The following PALLD variants were observed in gnomAD, a reference collection of about 807,000 sequenced individuals.
PALLD encodes the protein palladin.
PALLD carries 61 observed loss-of-function variants against 123.5 expected under a neutral mutation model. The ratio of observed to expected loss-of-function variants is 0.49; its 90% CI spans 0.40 to 0.61. PALLD has a LOEUF of 0.61. Ranked by LOEUF, PALLD falls within the 20% of genes least tolerant of loss-of-function variation. The pLI, the probability that PALLD is intolerant of heterozygous loss-of-function variation, is 0.00. For missense variants in PALLD, 1,273 were observed against 1,377.0 expected (o/e 0.92, Z 1.20); for synonymous variants, 465 against 496.4 (o/e 0.94, Z 0.84).
rs202207723 is a variant in PALLD, at chr4:168,765,420, GA to G, written c.1964+53500del. 6.2e-3 allele frequency among the ~76,000 whole-genome samples: 940 copies of G among 152,262 alleles called. 17 individuals carry two copies. The highest frequency in any genetic ancestry group is 0.04 in the East Asian group (207 of 5,176). The stretch of plus-strand genomic sequence containing the variant: ...GGAACACAAGGGTAGGAATGTACTG[GA>G]AATTCCATCCAAAGAGGACTCAAGG... On this transcript the variant is annotated intron_variant, in intron 10 of 21. Transcript: ENST00000505667.
chr4:168,894,174 A>C (rs1021182130), intron 11 of PALLD: 1 of 205,036 alleles, frequency 4.9e-6, no homozygotes, highest in African/African-American at 2.4e-5. Flanking sequence ...TTTTTCTTTC[A>C]GTCAGTATTA....
At chr4:168,750,633 C>G (rs1379679119) in intron 10 of PALLD, among the ~76,000 whole-genome samples, 1 of 151,892 alleles carries the variant, frequency 6.6e-6, no homozygotes, top group Non-Finnish European at 1.5e-5. Flanking sequence ...TCTTAGTTAC[C>G]AAGTTGAAAT....
chr4:168,518,377 C>G (rs986549717), intron 2 of PALLD, among the ~76,000 whole-genome samples: 3 of 152,202 alleles, frequency 2.0e-5, no homozygotes, highest in Non-Finnish European at 4.4e-5. Context: ...ATCACTATCA[C>G]AGCACTGCCC....
At chr4:168,627,812 T>C (rs1775444521) in intron 2 of PALLD, among the ~76,000 whole-genome samples, 1 of 152,164 alleles carries the variant, frequency 6.6e-6, no homozygotes, top group African/African-American at 2.4e-5. Context: ...GGGAACACTA[T>C]ATAAACAATA....
intron 2 of PALLD, among the ~76,000 whole-genome samples, chr4:168,608,175 A>G (rs1476639026): frequency 1.3e-5 from 2 of 152,204 alleles, no homozygotes; most frequent in African/African-American, 4.8e-5. Context: ...ACCTATAAAT[A>G]TGTGGTGCAG....
chr4:168,712,608 A>AT (rs1561434962), intron 10 of PALLD, among the ~76,000 whole-genome samples: 1 of 152,210 alleles, frequency 6.6e-6, no homozygotes, highest in Non-Finnish European at 1.5e-5. Flanking sequence ...AGCCATTACA[A>AT]TGTCAGAGAG....
intron 11 of PALLD, among the ~76,000 whole-genome samples, chr4:168,893,114 G>A (rs936573885): frequency 6.6e-6 from 1 of 152,168 alleles, no homozygotes; most frequent in Non-Finnish European, 1.5e-5. Context: ...TGAAGGAATA[G>A]ATATGAAATT....
At chr4:168,616,107 A>G (rs111472134) in intron 2 of PALLD, among the ~76,000 whole-genome samples, 9 of 152,180 alleles carry the variant, frequency 5.9e-5, no homozygotes, top group African/African-American at 1.4e-4. Flanking sequence ...CAAGGAGTCA[A>G]CTTTAATTTT....
intron 10 of PALLD, among the ~76,000 whole-genome samples, chr4:168,770,378 C>T (rs1005111184): frequency 6.6e-6 from 1 of 152,214 alleles, no homozygotes; most frequent in Non-Finnish European, 1.5e-5. Flanking sequence ...TGGAGGTTCA[C>T]ACAGTCAATA....
At chr4:168,777,794 A>G (rs1320639113) in intron 10 of PALLD, among the ~76,000 whole-genome samples, 6 of 152,314 alleles carry the variant, frequency 3.9e-5, no homozygotes, top group Middle Eastern at 6.8e-3. Flanking sequence ...GGTACAGACA[A>G]TGGCACTTTA....
At chr4:168,694,336 T>G (rs1782934361) in intron 8 of PALLD, among the ~76,000 whole-genome samples, 1 of 152,232 alleles carries the variant, frequency 6.6e-6, no homozygotes, top group South Asian at 2.1e-4. Context: ...AAATAGCCTT[T>G]GAAATTCAGG....
At chr4:168,556,832 G>T (rs1200553302) in intron 2 of PALLD, among the ~76,000 whole-genome samples, 2 of 152,122 alleles carry the variant, frequency 1.3e-5, no homozygotes, top group Non-Finnish European at 2.9e-5. Flanking sequence ...CCTCTTAGGT[G>T]CAGGGTACTC....
At chr4:168,852,821 C>T (rs1748000983) in intron 10 of PALLD, among the ~76,000 whole-genome samples, 1 of 152,184 alleles carries the variant, frequency 6.6e-6, no homozygotes, top group Admixed American at 6.5e-5. Context: ...TTAATTCCCT[C>T]TAATGCTTTC....
chr4:168,657,458 GAC>G (rs1778695674), intron 2 of PALLD, among the ~76,000 whole-genome samples: 1 of 152,142 alleles, frequency 6.6e-6, no homozygotes, highest in South Asian at 2.1e-4. Flanking sequence ...AGACTGACTG[GAC>G]CACAGTCAAC....
Position 168,925,086 on chromosome 4 carries a change from C to A in PALLD, c.3358+8C>A. The stretch of plus-strand genomic sequence containing the variant: ...CCAGGCTGGACGTTTACAGTGAGTG[C>A]CACTTCATCTCATTTCATTGCGTTT... On this transcript the variant is annotated splice_region_variant and intron_variant, in intron 20 of 21. Transcript: ENST00000505667. 1.9e-6 allele frequency: 3 copies of A among 1,613,516 alleles called. No individual in the cohort carries two copies. The highest frequency in any genetic ancestry group is 2.5e-6 in the Non-Finnish European group (3 of 1,179,538).
intron 15 of PALLD, among the ~76,000 whole-genome samples, chr4:168,905,461 CTAAATAAA>C (rs200057120): frequency 6.6e-6 from 1 of 151,588 alleles, no homozygotes; most frequent in African/African-American, 2.4e-5. Flanking sequence ...GACTCTGTTT[CTAAATAAA>C]TAAATAAATA....
intron 2 of PALLD, among the ~76,000 whole-genome samples, chr4:168,534,243 A>T (rs1211541936): frequency 2.6e-5 from 4 of 152,202 alleles, no homozygotes; most frequent in African/African-American, 9.6e-5. Flanking sequence ...GATGGGCTGA[A>T]GTCAGGACAC....
At chr4:168,619,137 G>A (rs1414502412) in intron 2 of PALLD, among the ~76,000 whole-genome samples, 1 of 152,208 alleles carries the variant, frequency 6.6e-6, no homozygotes, top group African/African-American at 2.4e-5. Flanking sequence ...CCTTTCAGCA[G>A]GAGATCCACT....
intron 4 of PALLD, 57 bp from the exon 5 acceptor site, chr4:168,682,941 A>G: frequency 1.9e-6 from 2 of 1,049,320 alleles, no homozygotes; most frequent in East Asian, 2.4e-5. Context: ...AAAAAAAAAA[A>G]CAAAAAAACG....
Sources: allele counts gnomAD v4.1 joint callset (sites outside exome capture counted in the v4.1 genomes callset), GRCh38; gene constraint gnomAD v4.1.1; transcripts MANE v1.5; gene names NCBI Gene and HGNC (gene_info 2026-07-23, HGNC 2026-07-21).